AUTS2: variants seen among roughly 807,000 people sequenced by gnomAD.
AUTS2 encodes the protein activator of transcription and developmental regulator AUTS2.
Under a neutral mutation model 112.4 loss-of-function variants are expected in AUTS2, and 17 were observed. The observed-to-expected ratio is 0.15, with a 90% CI of 0.10 to 0.23. The LOEUF is 0.23. AUTS2 is among the 10% of genes least tolerant of loss of function. The probability of loss-of-function intolerance (pLI) is 1.00; values close to 1 mark genes in which losing one functional copy is unlikely to be tolerated. For synonymous variants in AUTS2, 751 were observed against 702.7 expected (o/e 1.07, Z -1.09); for missense variants, 1,510 against 1,701.6 (o/e 0.89, Z 1.98).
intron 1 of AUTS2, among the ~76,000 whole-genome samples, chr7:69,730,988 A>G (rs539892985): frequency 1.3e-4 from 20 of 152,284 alleles, no homozygotes; most frequent in African/African-American, 4.6e-4. Context: ...GGCAATATAG[A>G]TAGTGGTTAA....
chr7:70,032,552 T>A (rs992153753), intron 2 of AUTS2, among the ~76,000 whole-genome samples: 2 of 152,138 alleles, frequency 1.3e-5, no homozygotes, highest in African/African-American at 2.4e-5. Flanking sequence ...AAACAAAAAA[T>A]ATGGTATTGA....
chr7:70,764,146 G>A (rs894578594), intron 7 of AUTS2, among the ~76,000 whole-genome samples: 1 of 152,056 alleles, frequency 6.6e-6, no homozygotes, highest in African/African-American at 2.4e-5. Flanking sequence ...TGGTGGTTCC[G>A]GGCCTTGCTT....
intron 1 of AUTS2, among the ~76,000 whole-genome samples, chr7:69,895,595 A>G (rs1358393185): frequency 1.4e-5 from 2 of 137,984 alleles, no homozygotes; most frequent in African/African-American, 5.4e-5. Flanking sequence ...AGATGATTGT[A>G]CTACTGCTGC....
chr7:70,392,961 C>T (rs1793928465), intron 4 of AUTS2, among the ~76,000 whole-genome samples: 1 of 152,218 alleles, frequency 6.6e-6, no homozygotes, highest in African/African-American at 2.4e-5. Flanking sequence ...CATTTCTTAC[C>T]CCCAAGGACA....
intron 2 of AUTS2, among the ~76,000 whole-genome samples, chr7:69,927,513 C>G (rs897281011): frequency 1.3e-5 from 2 of 152,154 alleles, no homozygotes; most frequent in Admixed American, 6.5e-5. Flanking sequence ...AGCCAGAAAC[C>G]TCTGTGGCCA....
chr7:69,686,611 G>A (rs1797078457), intron 1 of AUTS2, among the ~76,000 whole-genome samples: 2 of 152,172 alleles, frequency 1.3e-5, no homozygotes, highest in Non-Finnish European at 1.5e-5. Flanking sequence ...CTATAGAAAA[G>A]TAATATTACA....
chr7:69,715,590 G>A (rs1365034594), intron 1 of AUTS2, among the ~76,000 whole-genome samples: 3 of 152,150 alleles, frequency 2.0e-5, no homozygotes, highest in Non-Finnish European at 4.4e-5. Flanking sequence ...CAGAGACATA[G>A]TACTTCCCAT....
At chr7:70,077,219 T>A (rs539146843) in intron 2 of AUTS2, among the ~76,000 whole-genome samples, 14 of 149,688 alleles carry the variant, frequency 9.4e-5, no homozygotes, top group African/African-American at 3.2e-4. Context: ...CTTGTGGGGA[T>A]GTTGTGAGAG....
chr7:70,022,323 A>ATT (rs373158257), intron 2 of AUTS2, among the ~76,000 whole-genome samples: 11 of 141,038 alleles, frequency 7.8e-5, no homozygotes, highest in East Asian at 2.1e-4. Flanking sequence ...AGACTAATAG[A>ATT]TTTTTTTTTT....
At chr7:69,971,517 A>G (rs145799420) in intron 2 of AUTS2, among the ~76,000 whole-genome samples, 5 of 152,294 alleles carry the variant, frequency 3.3e-5, no homozygotes, top group African/African-American at 1.2e-4. Flanking sequence ...ATATCACAAC[A>G]AGGATATTGA....
At chr7:69,870,900 G>T (rs929034774) in intron 1 of AUTS2, among the ~76,000 whole-genome samples, 2 of 152,142 alleles carry the variant, frequency 1.3e-5, no homozygotes, top group Non-Finnish European at 2.9e-5. Context: ...ACCATTCATG[G>T]TTCTGTTGTG....
At chr7:70,319,612 C>T (rs1255980406) in intron 4 of AUTS2, among the ~76,000 whole-genome samples, 3 of 152,048 alleles carry the variant, frequency 2.0e-5, no homozygotes, top group Admixed American at 6.6e-5. Flanking sequence ...GGGTTTTAGT[C>T]GAAACAAATT....
chr7:70,344,279 CAA>C (rs916150470), intron 4 of AUTS2, among the ~76,000 whole-genome samples: 23 of 152,104 alleles, frequency 1.5e-4, no homozygotes, highest in African/African-American at 5.6e-4. Context: ...AAGGTAAAGT[CAA>C]GAGAACCTAG....
At chr7:69,701,419 A>T (rs1797801648) in intron 1 of AUTS2, among the ~76,000 whole-genome samples, 1 of 152,104 alleles carries the variant, frequency 6.6e-6, no homozygotes, top group African/African-American at 2.4e-5. Context: ...CAAGTGCCAG[A>T]CTCTAAACAA....
At chr7:70,356,396 A>G (rs915632017) in intron 4 of AUTS2, among the ~76,000 whole-genome samples, 3 of 152,214 alleles carry the variant, frequency 2.0e-5, no homozygotes, top group Non-Finnish European at 4.4e-5. Context: ...TTAATAATAC[A>G]TTTTATTGCC....
intron 5 of AUTS2, among the ~76,000 whole-genome samples, chr7:70,659,117 A>G (rs978397853): frequency 1.3e-5 from 2 of 152,040 alleles, no homozygotes; most frequent in Non-Finnish European, 2.9e-5. Flanking sequence ...TGGGTGCTTG[A>G]CCACCGCCTG....
At chr7:70,128,436 A>G (rs1806093368) in intron 3 of AUTS2, among the ~76,000 whole-genome samples, 1 of 152,182 alleles carries the variant, frequency 6.6e-6, no homozygotes, top group Non-Finnish European at 1.5e-5. Flanking sequence ...GTTTGTTGCT[A>G]CTTTAACTAG....
intron 2 of AUTS2, among the ~76,000 whole-genome samples, chr7:70,074,154 G>A (rs6949651): frequency 0.34 from 51,347 of 152,080 alleles, 8,897 homozygotes; most frequent in African/African-American, 0.39. Context: ...TCAACTGAAT[G>A]TATTATGCAT....
chr7:70,555,772 G>A (rs776950167), intron 5 of AUTS2, among the ~76,000 whole-genome samples: 2 of 151,368 alleles, frequency 1.3e-5, no homozygotes, highest in African/African-American at 4.8e-5. Flanking sequence ...CATGGCACTG[G>A]TATCTGCTTG....
Sources: gnomAD v4.1 joint callset for allele counts (sites outside exome capture counted in the v4.1 genomes callset) on GRCh38, gnomAD v4.1.1 for gene constraint, MANE v1.5 for transcripts, NCBI Gene and HGNC (gene_info 2026-07-23, HGNC 2026-07-21) for gene names.